SCLT1: variants seen among roughly 807,000 people sequenced by gnomAD.
The protein encoded by SCLT1 is sodium channel-associated protein 1.
In SCLT1, 78 loss-of-function variants were observed where a neutral mutation model predicts 112.8. The observed-to-expected ratio is 0.69, with a 90% confidence interval of 0.58 to 0.83. SCLT1 has a LOEUF of 0.83. Ranked by LOEUF, SCLT1 falls within the 40% of genes least tolerant of loss-of-function variation. The probability of loss-of-function intolerance (pLI) is 0.00; values close to 1 mark genes in which losing one functional copy is unlikely to be tolerated. For missense variants in SCLT1, 747 were observed against 770.4 expected (o/e 0.97, Z 0.36); for synonymous variants, 257 against 254.7 (o/e 1.01, Z -0.09).
intron 18 of SCLT1, among the ~76,000 whole-genome samples, chr4:128,897,784 C>T (rs1406716542): frequency 1.3e-5 from 2 of 152,138 alleles, no homozygotes; most frequent in African/African-American, 4.8e-5. Context: ...ACCCATCTCA[C>T]CTGCAGAGAC....
At chr4:129,057,659 T>G (rs1749556331) in intron 2 of SCLT1, among the ~76,000 whole-genome samples, 1 of 151,890 alleles carries the variant, frequency 6.6e-6, no homozygotes, top group Non-Finnish European at 1.5e-5. Context: ...CTTGGAGGGT[T>G]CTGGGAATTT....
chr4:129,080,947 C>A (rs1199219282), intron 2 of SCLT1, among the ~76,000 whole-genome samples: 1 of 152,114 alleles, frequency 6.6e-6, no homozygotes, highest in Non-Finnish European at 1.5e-5. Context: ...AAGCCATGGG[C>A]GGCCTCTGAG....
chr4:128,990,539 A>C (rs1422761318), intron 9 of SCLT1, among the ~76,000 whole-genome samples: 1 of 151,904 alleles, frequency 6.6e-6, no homozygotes, highest in Non-Finnish European at 1.5e-5. Context: ...GAACAAGACA[A>C]GGATACCTAC....
chr4:129,016,005 T>A (rs1420835415), intron 5 of SCLT1, among the ~76,000 whole-genome samples: 1 of 152,222 alleles, frequency 6.6e-6, no homozygotes, highest in Non-Finnish European at 1.5e-5. Context: ...AAAATATTTC[T>A]TCTAAATTAA....
intron 4 of SCLT1, among the ~76,000 whole-genome samples, chr4:128,876,289 C>T (rs917559532): frequency 2.6e-5 from 4 of 152,130 alleles, no homozygotes; most frequent in Non-Finnish European, 4.4e-5. Flanking sequence ...TATTTACTTC[C>T]ATATTGCTTG....
intron 1 of SCLT1, among the ~76,000 whole-genome samples, chr4:129,092,361 T>C (rs1210276603): frequency 1.3e-5 from 2 of 152,240 alleles, no homozygotes; most frequent in East Asian, 3.8e-4. Context: ...TCACAAATAT[T>C]GTTCTATTTG....
At chr4:129,050,976 T>C (rs532475459) in intron 2 of SCLT1, among the ~76,000 whole-genome samples, 3 of 152,262 alleles carry the variant, frequency 2.0e-5, no homozygotes, top group Non-Finnish European at 2.9e-5. Flanking sequence ...ATTAATTAAA[T>C]AGGGAATCTT....
At chr4:129,006,336 G>A (rs1252118444) in intron 5 of SCLT1, among the ~76,000 whole-genome samples, 2 of 151,872 alleles carry the variant, frequency 1.3e-5, no homozygotes, top group African/African-American at 4.8e-5. Context: ...TCAGGAGTTC[G>A]AGACCAGCCT....
chr4:129,033,014 C>A (rs933293746), intron 5 of SCLT1, among the ~76,000 whole-genome samples: 2 of 152,136 alleles, frequency 1.3e-5, no homozygotes, highest in Non-Finnish European at 2.9e-5. Flanking sequence ...AATTATTCTA[C>A]CATCAAGACA....
At chr4:128,996,779 T>C (rs899285079) in intron 8 of SCLT1, among the ~76,000 whole-genome samples, 3 of 152,080 alleles carry the variant, frequency 2.0e-5, no homozygotes, top group African/African-American at 7.2e-5. Flanking sequence ...GAACCATGAA[T>C]ACTTCTGCCT....
intron 18 of SCLT1, among the ~76,000 whole-genome samples, chr4:128,897,465 G>A (rs926234396): frequency 1.5e-5 from 2 of 137,572 alleles, no homozygotes; most frequent in Non-Finnish European, 3.1e-5. Flanking sequence ...TTACAGACAA[G>A]CAAATGCTGA....
chr4:129,083,315 G>C (rs72926084), intron 1 of SCLT1, among the ~76,000 whole-genome samples: 1 of 151,544 alleles, frequency 6.6e-6, no homozygotes, highest in Admixed American at 6.6e-5. Flanking sequence ...GCAATCACAC[G>C]TTCTTTTCAA....
intron 10 of SCLT1, among the ~76,000 whole-genome samples, chr4:128,966,765 C>T (rs770273767): frequency 2.6e-5 from 4 of 151,818 alleles, no homozygotes; most frequent in Non-Finnish European, 5.9e-5. Flanking sequence ...TGAAGTATAA[C>T]TTCACTGAAT....
chr4:128,978,073 T>C (rs1579574502), intron 9 of SCLT1, among the ~76,000 whole-genome samples: 1 of 152,162 alleles, frequency 6.6e-6, no homozygotes, highest in East Asian at 1.9e-4. Flanking sequence ...TTCTGAGGTT[T>C]GATGATGGCA....
chr4:128,875,004 GA>G (rs3069727), intron 4 of SCLT1: 12,803 of 131,912 alleles, frequency 0.097, 1,391 homozygotes, highest in African/African-American at 0.28. Context: ...AGCTAAAATT[GA>G]AAAAAAAAAA....
At chr4:128,948,056 G>A (rs984262303) in intron 15 of SCLT1, among the ~76,000 whole-genome samples, 2 of 152,100 alleles carry the variant, frequency 1.3e-5, no homozygotes, top group Non-Finnish European at 2.9e-5. Context: ...GGCAACATCA[G>A]TATTTAACTG....
intron 14 of SCLT1, chr4:128,952,469 G>T: frequency 2.0e-6 from 1 of 512,168 alleles, no homozygotes; most frequent in Non-Finnish European, 3.8e-6. Flanking sequence ...CTTTCTCCTT[G>T]GTTTCCCAGA....
At position 129,086,313 on chromosome 4, in the gene SCLT1, G is replaced by GTATA. The variant is rs5861875; in HGVS notation, c.35-3944_35-3941dup. 6.7e-5 allele frequency among the ~76,000 whole-genome samples: 10 copies of GTATA among 150,176 alleles called. No homozygotes were observed. In the East Asian group the frequency reaches 7.8e-4, roughly 12 times the overall value. On this transcript the variant is annotated intron_variant, in intron 1 of 20. Coordinates refer to ENST00000281142, the MANE Select transcript of SCLT1 (RefSeq NM_144643.4). ...TACCTGAAGATGCTGGTGTATGTAT[G>GTATA]TATATATATATATATATATATATAC...
chr4:128,988,041 G>A (rs2592953), intron 9 of SCLT1, among the ~76,000 whole-genome samples: 39,320 of 151,794 alleles, frequency 0.26, 6,242 homozygotes, highest in Non-Finnish European at 0.35. Flanking sequence ...TGTCAACACC[G>A]AACCTGTCTT....
Sources: allele counts gnomAD v4.1 joint callset (sites outside exome capture counted in the v4.1 genomes callset), GRCh38; gene constraint gnomAD v4.1.1; transcripts MANE v1.5; gene names NCBI Gene and HGNC (gene_info 2026-07-23, HGNC 2026-07-21).